The following NUP98 variants were observed in gnomAD, a reference collection of about 807,000 sequenced individuals.
The protein encoded by NUP98 is nucleoporin 98 and 96 precursor, also known as nuclear pore complex protein Nup98-Nup96.
Under a neutral mutation model 191.9 loss-of-function variants are expected in NUP98, and 26 were observed. The ratio of observed to expected loss-of-function variants is 0.14; its 90% CI spans 0.10 to 0.19. The LOEUF (loss-of-function observed/expected upper bound fraction) is 0.19, where lower values mean the gene tolerates loss of function less well. Among genes scored for constraint, NUP98 ranks in the 10% least tolerant of loss-of-function variants. NUP98 has a pLI of 1.00. For missense variants in NUP98, 1,941 were observed against 2,178.8 expected (o/e 0.89, Z 2.17); for synonymous variants, 808 against 778.4 (o/e 1.04, Z -0.63).
intron 17 of NUP98, among the ~76,000 whole-genome samples, chr11:3,720,371 C>T (rs1384148320): frequency 6.6e-6 from 1 of 152,040 alleles, no homozygotes; most frequent in African/African-American, 2.4e-5. Flanking sequence ...CAAATAGTTA[C>T]TAGCACCAAA....
intron 29 of NUP98, among the ~76,000 whole-genome samples, chr11:3,685,177 T>G (rs2078100837): frequency 6.6e-6 from 1 of 152,232 alleles, no homozygotes; most frequent in African/African-American, 2.4e-5. Context: ...TTTGTGTAAT[T>G]ACTGAAATAC....
chr11:3,742,702 A>G (rs866572127), intron 12 of NUP98, among the ~76,000 whole-genome samples: 2 of 142,326 alleles, frequency 1.4e-5, no homozygotes, highest in Admixed American at 1.4e-4. Flanking sequence ...CTGTCTCCAA[A>G]AAAAAAAAAA....
At chr11:3,743,578 T>C (rs1219468938) in intron 12 of NUP98, among the ~76,000 whole-genome samples, 3 of 134,316 alleles carry the variant, frequency 2.2e-5, no homozygotes, top group Admixed American at 8.1e-5. Context: ...ATCTGGGAGG[T>C]AGAGCTTGCA....
rs2134119556 is a variant in NUP98, at chr11:3,702,890, C to T, written c.3085G>A (p.Gly1029Ser). 3 of 1,601,948 alleles carry T rather than the reference C, an allele frequency of 1.9e-6. No homozygotes were observed. Among genetic ancestry groups the T allele is most frequent in the Middle Eastern group, 1.7e-4 (1 of 6,000 alleles). The stretch of plus-strand genomic sequence containing the variant: ...GTAAATTTTGATTGTAGTAACCCAC[C>T]AACTGAAATGAAGCGGGAATGAAGG... Reference protein sequence around the residue: ...SHSSKTRSLVGGLLQSKFTSG... With the variant: ...SHSSKTRSLVSGLLQSKFTSG... The change falls in exon 23 of 33, where the codon GGT (glycine) becomes AGT (serine). Residue 1029 changes from glycine (G) to serine (S), a missense_variant and splice_region_variant. Transcript: ENST00000324932.
intron 1 of NUP98, among the ~76,000 whole-genome samples, chr11:3,791,717 C>T (rs968974440): frequency 3.3e-5 from 5 of 151,676 alleles, no homozygotes; most frequent in Non-Finnish European, 2.9e-5. Flanking sequence ...GTGGCACCTG[C>T]CTGTAATCCC....
intron 1 of NUP98, among the ~76,000 whole-genome samples, chr11:3,782,570 ATTT>A (rs35916882): frequency 2.3e-4 from 27 of 117,438 alleles, no homozygotes; most frequent in African/African-American, 6.0e-4. Flanking sequence ...AAAAGCTAAC[ATTT>A]TTTTTTTTTT....
chr11:3,758,187 G>T (rs1482602702), intron 10 of NUP98, among the ~76,000 whole-genome samples: 1 of 151,916 alleles, frequency 6.6e-6, no homozygotes, highest in African/African-American at 2.4e-5. Context: ...CGGGGGTGGT[G>T]GTGGGTGCCC....
chr11:3,778,618 T>G (rs2081838521), intron 4 of NUP98, among the ~76,000 whole-genome samples: 1 of 152,252 alleles, frequency 6.6e-6, no homozygotes. Context: ...CTAGCCATTT[T>G]GCATCAGGAA....
intron 2 of NUP98, among the ~76,000 whole-genome samples, chr11:3,779,842 T>G (rs2133939267): frequency 6.6e-6 from 1 of 151,780 alleles, no homozygotes; most frequent in East Asian, 2.0e-4. Flanking sequence ...TAAAAAAAAG[T>G]GCTGGCCGGG....
intron 28 of NUP98, among the ~76,000 whole-genome samples, chr11:3,688,187 G>A (rs1181870905): frequency 2.6e-5 from 4 of 151,552 alleles, no homozygotes; most frequent in African/African-American, 4.8e-5. Flanking sequence ...AGCGGATCAC[G>A]AGGTCAGGAG....
At chr11:3,711,698 T>C (rs1018502636) in intron 20 of NUP98, 1 of 273,608 alleles carries the variant, frequency 3.7e-6, no homozygotes, top group East Asian at 8.3e-5. Context: ...CATTTGTCAA[T>C]GGAGATTTCT....
intron 18 of NUP98, among the ~76,000 whole-genome samples, chr11:3,716,611 A>G (rs1386342739): frequency 6.6e-6 from 1 of 152,086 alleles, no homozygotes; most frequent in East Asian, 1.9e-4. Context: ...TAGGAGGCTG[A>G]GGCAGGAGAA....
intron 28 of NUP98, among the ~76,000 whole-genome samples, chr11:3,689,262 C>T (rs1057245217): frequency 1.3e-5 from 2 of 151,998 alleles, no homozygotes; most frequent in African/African-American, 4.8e-5. Flanking sequence ...TGCAGTGGCT[C>T]GCGCCTGTAA....
intron 12 of NUP98, among the ~76,000 whole-genome samples, chr11:3,742,429 G>A (rs755544894): frequency 7.9e-5 from 12 of 151,996 alleles, no homozygotes; most frequent in Admixed American, 2.0e-4. Flanking sequence ...GGCCAGGTGC[G>A]GTGGCTCACA....
At chr11:3,704,583 A>AT (rs749873389) in intron 22 of NUP98, among the ~76,000 whole-genome samples, 91 of 152,338 alleles carry the variant, frequency 6.0e-4, no homozygotes, top group Non-Finnish European at 1.1e-3. Context: ...AAAAATTGGG[A>AT]AGTCAGAGCT....
chr11:3,712,157 C>T (rs1479959613), intron 20 of NUP98: 2 of 1,065,492 alleles, frequency 1.9e-6, no homozygotes, highest in African/African-American at 1.6e-5. Context: ...TTTCAGAAAG[C>T]TAATTTAACT....
At chr11:3,754,944 A>C (rs1447037506) in intron 10 of NUP98, among the ~76,000 whole-genome samples, 1 of 149,276 alleles carries the variant, frequency 6.7e-6, no homozygotes, top group African/African-American at 2.4e-5. Context: ...ACTATCTCAA[A>C]AAAAAAAAAA....
At chr11:3,754,761 G>C (rs189530717) in intron 10 of NUP98, among the ~76,000 whole-genome samples, 1 of 151,928 alleles carries the variant, frequency 6.6e-6, no homozygotes, top group Non-Finnish European at 1.5e-5. Flanking sequence ...GGCCAACATG[G>C]AGAAACCCCA....
chr11:3,706,477 A>G lies in NUP98; in HGVS notation c.2893T>C (p.Ser965Pro). ...ACATGTGGATTAATTCCCAGTGAAG[A>G]TGCAATATGTGTTGAGGCAGACACA... ...EPVSASTHIA[S>P]SLGINPHVLQ... Residue 965 changes from serine to proline, a missense_variant, in exon 21 of 33, where the codon TCT becomes CCT. Ser to Pro is a moderately conservative substitution (Grantham distance 74). Around this residue, in one of 6 missense-constraint regions of NUP98, gnomAD observed 1,030 missense variants for 1,115.8 expected, o/e 0.92. Coordinates refer to ENST00000324932, the MANE Select transcript of NUP98 (RefSeq NM_016320.5). The G allele has an allele frequency of 3.1e-6, 5 of 1,614,146 alleles. No homozygotes were observed. The highest frequency in any genetic ancestry group is 4.2e-6 in the Non-Finnish European group (5 of 1,179,994).
Sources: gnomAD v4.1 joint callset for allele counts (sites outside exome capture counted in the v4.1 genomes callset) on GRCh38, gnomAD v4.1.1 for gene constraint, gnomAD v4.1.1 regional missense constraint, MANE v1.5 for transcripts, NCBI Gene and HGNC (gene_info 2026-07-23, HGNC 2026-07-21) for gene names.